Variants in NUP85 observed in about 807,000 individuals in gnomAD.
The protein encoded by NUP85 is nuclear pore complex protein Nup85.
Under a neutral mutation model 92.8 loss-of-function variants are expected in NUP85, and 23 were observed. That is an observed-to-expected ratio of 0.25 (90% CI 0.18 to 0.35). The LOEUF (loss-of-function observed/expected upper bound fraction) is 0.35, where lower values mean the gene tolerates loss of function less well. Among genes scored for constraint, NUP85 ranks in the 10% least tolerant of loss-of-function variants. The probability of loss-of-function intolerance (pLI) is 1.00; values close to 1 mark genes in which losing one functional copy is unlikely to be tolerated. For synonymous variants in NUP85, 314 were observed against 306.9 expected (o/e 1.02, Z -0.24); for missense variants, 759 against 822.8 (o/e 0.92, Z 0.95).
intron 10 of NUP85, 84 bp from the exon 11 acceptor site, chr17:75,225,967 C>G: frequency 6.3e-7 from 1 of 1,598,234 alleles, no homozygotes; most frequent in Non-Finnish European, 8.5e-7. Flanking sequence ...GGCACCTTCT[C>G]TGGGGTTCGT....
chr17:75,214,923 G>A (rs2075382949), intron 5 of NUP85, among the ~76,000 whole-genome samples: 1 of 151,984 alleles, frequency 6.6e-6, no homozygotes, highest in Admixed American at 6.6e-5. Context: ...TGTAATCCCA[G>A]CACTTTGGGA....
At chr17:75,230,153 C>T (rs2075991004) in intron 11 of NUP85, among the ~76,000 whole-genome samples, 1 of 150,956 alleles carries the variant, frequency 6.6e-6, no homozygotes, top group Non-Finnish European at 1.5e-5. Flanking sequence ...AAGCGATCTT[C>T]TGCCTCAGCC....
intron 2 of NUP85, among the ~76,000 whole-genome samples, chr17:75,208,910 A>AT (rs781570648): frequency 1.3e-5 from 2 of 150,592 alleles, no homozygotes; most frequent in African/African-American, 2.4e-5. Flanking sequence ...CGCCCAGCTA[A>AT]TTTTTTTTTC....
intron 7 of NUP85, among the ~76,000 whole-genome samples, chr17:75,220,216 C>T (rs561423626): frequency 3.2e-4 from 49 of 151,982 alleles, no homozygotes; most frequent in African/African-American, 8.2e-4. Context: ...CCTCTGCCTC[C>T]GGGGTTCAAG....
intron 3 of NUP85, among the ~76,000 whole-genome samples, chr17:75,210,195 A>T (rs879464687): frequency 3.9e-5 from 6 of 152,176 alleles, no homozygotes; most frequent in African/African-American, 1.2e-4. Context: ...GGCTGGCTTG[A>T]CAAGCTTTAT....
At chr17:75,219,148 G>T in intron 7 of NUP85, among the ~76,000 whole-genome samples, 1 of 152,062 alleles carries the variant, frequency 6.6e-6, no homozygotes, top group Non-Finnish European at 1.5e-5. Context: ...AACTTATAAA[G>T]CCTGAAATTG....
At chr17:75,220,429 T>A (rs1266526055) in intron 7 of NUP85, among the ~76,000 whole-genome samples, 2 of 151,662 alleles carry the variant, frequency 1.3e-5, no homozygotes, top group Admixed American at 1.3e-4. Context: ...GGCCTTTTTT[T>A]TTTTTTTTAA....
chr17:75,235,365 C>A, intron 18 of NUP85, 164 bp downstream of exon 18: 1 of 621,444 alleles, frequency 1.6e-6, no homozygotes, highest in Non-Finnish European at 2.8e-6. Flanking sequence ...AGGAGAAAAT[C>A]AGGGATTCTA....
At chr17:75,206,182 C>G (rs2075074901) in intron 1 of NUP85, among the ~76,000 whole-genome samples, 1 of 152,092 alleles carries the variant, frequency 6.6e-6, no homozygotes, top group African/African-American at 2.4e-5. Context: ...CCTGTGTGGC[C>G]TAAGGTTTAT....
chr17:75,210,161 G>A (rs112903226), intron 3 of NUP85, among the ~76,000 whole-genome samples, 176 bp downstream of exon 3: 4 of 152,246 alleles, frequency 2.6e-5, no homozygotes, highest in Admixed American at 6.6e-5. Context: ...AAGACTTAGC[G>A]GGAATATGCA....
intron 6 of NUP85, among the ~76,000 whole-genome samples, chr17:75,217,846 T>C (rs985852809): frequency 5.3e-5 from 8 of 152,188 alleles, no homozygotes; most frequent in African/African-American, 1.9e-4. Flanking sequence ...GGCTGCTTGC[T>C]ATCTAGTCAT....
intron 11 of NUP85, among the ~76,000 whole-genome samples, chr17:75,229,778 C>T (rs150619750): frequency 1.8e-4 from 28 of 152,266 alleles, no homozygotes; most frequent in African/African-American, 6.5e-4. Context: ...GGGAAGACAC[C>T]GGGCACTGTC....
intron 17 of NUP85, 32 bp from the exon 18 acceptor site, chr17:75,235,068 G>C: frequency 6.4e-7 from 1 of 1,564,058 alleles, no homozygotes; most frequent in South Asian, 1.1e-5. Flanking sequence ...CAGGGCTGGG[G>C]GCAGCCAAGC....
chr17:75,212,112 GTAT>G, intron 4 of NUP85, 50 bp downstream of exon 4: 1 of 1,191,428 alleles, frequency 8.4e-7, no homozygotes, highest in African/African-American at 1.5e-5. Flanking sequence ...GTGTGTGTGG[GTAT>G]TTTGAGTATT....
At chr17:75,230,166 C>T (rs1387141990) in intron 11 of NUP85, among the ~76,000 whole-genome samples, 1 of 151,882 alleles carries the variant, frequency 6.6e-6, no homozygotes, top group Non-Finnish European at 1.5e-5. Context: ...CCTCAGCCTT[C>T]CGAGTAGCTG....
chr17:75,218,424 C>T, intron 7 of NUP85, 118 bp downstream of exon 7: 1 of 1,202,232 alleles, frequency 8.3e-7, no homozygotes, highest in Non-Finnish European at 1.2e-6. Flanking sequence ...GAGTCTGTTA[C>T]TATGGAGACT....
Position 75,218,730 on chromosome 17 carries a change from C to T in NUP85, c.597+424C>T, listed in dbSNP as rs1026691508. 8.7e-5 allele frequency among the ~76,000 whole-genome samples: 13 copies of T among 150,030 alleles called. No homozygotes were observed. In the South Asian group the frequency reaches 1.1e-3, roughly 12 times the overall value. On this transcript the variant is annotated intron_variant, in intron 7 of 18. Transcript: ENST00000245544. ...GATTAGCCTGGGCAACAAAGTGAGACCCTCCATCTCAAAACAAATTAATAA... is the reference window on the plus strand; with the variant it reads ...GATTAGCCTGGGCAACAAAGTGAGATCCTCCATCTCAAAACAAATTAATAA...
intron 5 of NUP85, among the ~76,000 whole-genome samples, chr17:75,214,034 G>C (rs917254065): frequency 1.3e-5 from 2 of 151,496 alleles, no homozygotes; most frequent in African/African-American, 4.9e-5. Context: ...TTAGTAGAGA[G>C]GGGGTTTCAC....
chr17:75,231,800 C>T lies in NUP85; in HGVS notation c.1245-28C>T, dbSNP rs747171429. ...TCCTCGGAGCCATGAGGCAGCACCT[C>T]ATGTCTGTCCTCCTCGAACCTTTGC... On this transcript the variant is annotated intron_variant, in intron 13 of 18. Coordinates refer to ENST00000245544, the MANE Select transcript of NUP85 (RefSeq NM_024844.5). The surrounding 1 kb of genome is among the most constrained non-coding windows in gnomAD (Gnocchi z 4.6). 2.5e-6 allele frequency: 4 copies of T among 1,613,324 alleles called. No homozygotes were observed. In the African/African-American group the frequency reaches 5.3e-5, roughly 22 times the overall value.
Sources: gnomAD v4.1 joint callset for allele counts (sites outside exome capture counted in the v4.1 genomes callset) on GRCh38, gnomAD v4.1.1 for gene constraint, Gnocchi (gnomAD v3.1) non-coding constraint, MANE v1.5 for transcripts, NCBI Gene and HGNC (gene_info 2026-07-23, HGNC 2026-07-21) for gene names.